UGGT1: variants seen among roughly 807,000 people sequenced by gnomAD.
UGGT1 encodes the protein UDP-glucose:glycoprotein glucosyltransferase 1.
A neutral mutation model predicts 203.9 loss-of-function variants in UGGT1; 107 were observed. The ratio of observed to expected loss-of-function variants is 0.52; its 90% confidence interval spans 0.45 to 0.62. The LOEUF is 0.62. Among genes scored for constraint, UGGT1 ranks in the 20% least tolerant of loss-of-function variants. The probability of loss-of-function intolerance (pLI) is 0.00; values close to 1 mark genes in which losing one functional copy is unlikely to be tolerated. For synonymous variants in UGGT1, 628 were observed against 653.5 expected (o/e 0.96, Z 0.59); for missense variants, 1,673 against 1,867.2 (o/e 0.90, Z 1.92).
chr2:128,181,169 C>G (rs766634526), intron 36 of UGGT1, 97 bp downstream of exon 36: 39 of 1,186,566 alleles, frequency 3.3e-5, no homozygotes, highest in Non-Finnish European at 4.7e-5. Context: ...AAAGGACATG[C>G]TTATTTTACA....
Position 128,159,735 on chromosome 2 carries a change from C to G in UGGT1, c.2562+15C>G, listed in dbSNP as rs200857833. 9.9e-6 allele frequency: 16 copies of G among 1,611,870 alleles called. No individual in the cohort carries two copies. Among genetic ancestry groups the G allele is most frequent in the African/African-American group, 4.0e-5 (3 of 75,012 alleles). Reference sequence around the variant, plus strand: ...TCTCTGTTGGGGTAAGGCTCTGAGCCTCTCATGAGGCTGCCCCATTTTGTC... The same window carrying G: ...TCTCTGTTGGGGTAAGGCTCTGAGCGTCTCATGAGGCTGCCCCATTTTGTC... On this transcript the variant is annotated intron_variant, in intron 23 of 40. Transcript: ENST00000259253.
chr2:128,185,043 C>G (rs1314629574), intron 38 of UGGT1, among the ~76,000 whole-genome samples: 1 of 152,016 alleles, frequency 6.6e-6, no homozygotes, highest in African/African-American at 2.4e-5. Flanking sequence ...TACTATGGAT[C>G]TGATTCTGTT....
intron 18 of UGGT1, among the ~76,000 whole-genome samples, 195 bp from the exon 19 acceptor site, chr2:128,152,589 G>A (rs1455387324): frequency 6.6e-6 from 1 of 152,194 alleles, no homozygotes; most frequent in African/African-American, 2.4e-5. Context: ...GTTGATAGAG[G>A]TAGAGATGCT....
At chr2:128,124,270 A>G (rs1251465860) in intron 11 of UGGT1, among the ~76,000 whole-genome samples, 1 of 152,028 alleles carries the variant, frequency 6.6e-6, no homozygotes, top group Non-Finnish European at 1.5e-5. Flanking sequence ...TTTTATTGAT[A>G]GCTCGTTATA....
rs1688978435 is a variant in UGGT1, at chr2:128,133,403, C to G, written c.1497+143C>G. On this transcript the variant is annotated intron_variant, in intron 14 of 40. Coordinates refer to ENST00000259253, the MANE Select transcript of UGGT1 (RefSeq NM_020120.4). Reference sequence around the variant, plus strand: ...CACCAAATACTCTTCCCTGTTCACACTGGAAAGGCTTTGTAGTGTACTGAC... The same window carrying G: ...CACCAAATACTCTTCCCTGTTCACAGTGGAAAGGCTTTGTAGTGTACTGAC... The G allele has an allele frequency of 5.1e-6, 6 of 1,168,462 alleles. No individual in the cohort carries two copies. The South Asian group carries it at 8.4e-5, about 16-fold the overall frequency. 72.4% of individuals were successfully genotyped at this position (1,168,462 alleles called of 1,614,324 possible).
At chr2:128,185,673 C>T (rs1460369610) in intron 38 of UGGT1, among the ~76,000 whole-genome samples, 2 of 151,904 alleles carry the variant, frequency 1.3e-5, no homozygotes. Context: ...TGGGGTTTTG[C>T]CATGTTGCCC....
Position 128,189,888 on chromosome 2 carries a change from T to A in UGGT1, c.*146T>A. 1 of 842,686 alleles carries A rather than the reference T, an allele frequency of 1.2e-6. No individual in the cohort carries two copies. Among genetic ancestry groups the A allele is most frequent in the Non-Finnish European group, 1.8e-6 (1 of 540,782 alleles). The allele number at this position is 842,686 out of a possible 1,614,324, so 52.2% of individuals were successfully genotyped here. On this transcript the variant is annotated 3_prime_UTR_variant, in exon 41 of 41. Transcript: ENST00000259253. Reference sequence around the variant, plus strand: ...TTGATTCTGAGCATTTGATTCTGACTTCTGTACTCTGGTGGCCACTGGATC... The same window carrying A: ...TTGATTCTGAGCATTTGATTCTGACATCTGTACTCTGGTGGCCACTGGATC...
At chr2:128,098,974 A>T (rs751364539) in intron 2 of UGGT1, among the ~76,000 whole-genome samples, 53 of 152,108 alleles carry the variant, frequency 3.5e-4, no homozygotes, top group Non-Finnish European at 7.2e-4. Context: ...TTGTATCTCA[A>T]GTGATGTAGA....
intron 26 of UGGT1, among the ~76,000 whole-genome samples, chr2:128,168,352 C>T (rs116259345): frequency 6.0e-4 from 92 of 152,214 alleles, no homozygotes; most frequent in African/African-American, 2.0e-3. Context: ...TGCCAGAGAT[C>T]GAAAGCACCT....
In UGGT1 at chr2:128,143,194, G is replaced by A. The variant is rs1299339311; in HGVS notation, c.1820G>A (p.Gly607Glu). The A allele has an allele frequency of 5.0e-6, 8 of 1,613,284 alleles. No homozygotes were observed. The highest frequency in any genetic ancestry group is 5.9e-6 in the Non-Finnish European group (7 of 1,179,698). ...YPYVEVNSILGIDSAYDRNRK... is the reference protein window; with the variant it reads ...YPYVEVNSILEIDSAYDRNRK... The stretch of plus-strand genomic sequence containing the variant: ...TATGTAGAAGTGAATAGCATTTTGG[G>A]GATTGATTCTGCTTATGATCGGAAT... The change falls in exon 17 of 41, where the codon GGG (glycine) becomes GAG (glutamate). Residue 607 changes from glycine to glutamate, a missense_variant. By Grantham distance (98) the Gly-to-Glu change is moderately conservative. Around this residue, in one of 4 missense-constraint regions of UGGT1, gnomAD observed 1,073 missense variants for 1,078.7 expected, o/e 0.99. Transcript: ENST00000259253.
At chr2:128,182,083 G>A (rs771671339) in intron 36 of UGGT1, 47 bp from the exon 37 acceptor site, 13 of 1,592,288 alleles carry the variant, frequency 8.2e-6, no homozygotes, top group African/African-American at 4.0e-5. Flanking sequence ...AACCGCATTA[G>A]AGCTGTCTGC....
At chr2:128,109,858 GAGT>G in intron 5 of UGGT1, 112 bp downstream of exon 5, 1 of 809,866 alleles carries the variant, frequency 1.2e-6, no homozygotes, top group Non-Finnish European at 2.0e-6. Flanking sequence ...TAATGGTTTA[GAGT>G]ATGGCTTCTG....
chr2:128,183,321 T>G (rs1454533622), intron 37 of UGGT1, among the ~76,000 whole-genome samples: 1 of 150,740 alleles, frequency 6.6e-6, no homozygotes, highest in East Asian at 1.9e-4. Flanking sequence ...CACTCTGGGG[T>G]TTTCCCCCCC....
chr2:128,182,145 C>T lies in UGGT1; in HGVS notation c.4099C>T (p.Leu1367=), dbSNP rs1691722185. 2.5e-6 allele frequency: 4 copies of T among 1,613,898 alleles called. No homozygotes were observed. The highest frequency in any genetic ancestry group is 3.4e-6 in the Non-Finnish European group (4 of 1,179,888). ...VDADQIVRTD[L]KELRDFNLDG... is the part of the protein sequence containing the mutation. ...TATTCTCCAGATTGTACGAACAGAT[C>T]TGAAAGAGTTAAGAGATTTCAATTT... Residue 1367 remains leucine (L), a synonymous_variant, in exon 37 of 41, where the codon CTG becomes TTG. Coordinates refer to ENST00000259253, the MANE Select transcript of UGGT1 (RefSeq NM_020120.4).
At position 128,161,143 on chromosome 2, in the gene UGGT1, T is replaced by G. The variant is rs780321001; in HGVS notation, c.2700T>G (p.Ile900Met). ...TGCTCTTCTCTCCTTCACAGATCAT[T>G]GGGCCACTGGAGGATAGTGAGCTCT... The part of the protein sequence containing the change: ...QRAVISNGRI[I>M]GPLEDSELFN... The change falls in exon 25 of 41, where the codon ATT (isoleucine) becomes ATG (methionine). Residue 900 changes from isoleucine to methionine, a missense_variant. Physicochemically the swap from Ile to Met is conservative, Grantham distance 10. Coordinates refer to ENST00000259253, the MANE Select transcript of UGGT1 (RefSeq NM_020120.4). The G allele has an allele frequency of 1.9e-6, 3 of 1,613,896 alleles. No homozygotes were observed. The highest frequency in any genetic ancestry group is 1.1e-5 in the South Asian group (1 of 91,064).
chr2:128,123,586 A>G (rs1688477605), intron 11 of UGGT1, among the ~76,000 whole-genome samples: 1 of 152,156 alleles, frequency 6.6e-6, no homozygotes, highest in Admixed American at 6.5e-5. Context: ...ACGTTCAGAC[A>G]TTATATATTG....
chr2:128,138,286 G>A (rs947321145), intron 15 of UGGT1, among the ~76,000 whole-genome samples: 23 of 152,262 alleles, frequency 1.5e-4, no homozygotes, highest in African/African-American at 5.5e-4. Flanking sequence ...TTGGGAGGCC[G>A]AGGCTGATGG....
intron 1 of UGGT1, among the ~76,000 whole-genome samples, chr2:128,096,352 G>A (rs570445145): frequency 9.8e-5 from 15 of 152,352 alleles, no homozygotes; most frequent in African/African-American, 3.6e-4. Flanking sequence ...GGGTGGCTTA[G>A]AACAATAGAT....
rs948018519 is a variant in UGGT1, at chr2:128,103,338, C to T, written c.195-594C>T. On this transcript the variant is annotated intron_variant, in intron 2 of 40. Transcript: ENST00000259253. Reference sequence around the variant, plus strand: ...GGCCATTATTTTAGTAGGATAAAGTCGAAAAAAATTAAGATGGCATTAAGT... The same window carrying T: ...GGCCATTATTTTAGTAGGATAAAGTTGAAAAAAATTAAGATGGCATTAAGT... 1.8e-4 allele frequency among the ~76,000 whole-genome samples: 27 copies of T among 152,024 alleles called. No individual in the cohort carries two copies. In the East Asian group the frequency reaches 5.0e-3, roughly 28 times the overall value.
Sources: allele counts gnomAD v4.1 joint callset (sites outside exome capture counted in the v4.1 genomes callset), GRCh38; gene constraint gnomAD v4.1.1; regional missense constraint gnomAD v4.1.1; transcripts MANE v1.5; gene names NCBI Gene and HGNC (gene_info 2026-07-23, HGNC 2026-07-21).